Variants in MBTD1 observed in about 807,000 individuals in gnomAD.
MBTD1 encodes mbt domain containing 1, also known as MBT domain-containing protein 1.
In MBTD1, 24 loss-of-function variants were observed where a neutral mutation model predicts 87.8. The ratio of observed to expected loss-of-function variants is 0.27; its 90% CI spans 0.20 to 0.38. The LOEUF (loss-of-function observed/expected upper bound fraction) is 0.38, where lower values mean the gene tolerates loss of function less well. Among genes scored for constraint, MBTD1 ranks in the 10% least tolerant of loss-of-function variants. MBTD1 has a pLI of 1.00. For missense variants in MBTD1, 436 were observed against 760.2 expected (o/e 0.57, Z 5.02); for synonymous variants, 237 against 248.6 (o/e 0.95, Z 0.44).
chr17:51,195,392 A>T, intron 12 of MBTD1, 31 bp from the exon 13 acceptor site: 1 of 1,518,280 alleles, frequency 6.6e-7, no homozygotes, highest in Non-Finnish European at 8.9e-7. Context: ...TAAGTACTTG[A>T]AATTAGATAC....
chr17:51,213,171 TG>T (rs1008676472), intron 6 of MBTD1, among the ~76,000 whole-genome samples: 2 of 152,194 alleles, frequency 1.3e-5, no homozygotes, highest in Non-Finnish European at 2.9e-5. Flanking sequence ...CCTGAGTAGC[TG>T]GGACTACAGG....
chr17:51,192,386 A>G (rs2145079184), intron 15 of MBTD1, 106 bp from the exon 16 acceptor site: 2 of 771,216 alleles, frequency 2.6e-6, no homozygotes, highest in Non-Finnish European at 4.3e-6. Flanking sequence ...AGACCATTAT[A>G]CTTAAGTACA....
intron 12 of MBTD1, among the ~76,000 whole-genome samples, chr17:51,200,206 T>C (rs139020228): frequency 1.3e-4 from 20 of 152,288 alleles, no homozygotes; most frequent in South Asian, 6.2e-4. Flanking sequence ...TTTATGTAAG[T>C]AGACTTTCCT....
intron 2 of MBTD1, among the ~76,000 whole-genome samples, chr17:51,228,202 G>A (rs1282052903): frequency 6.6e-6 from 1 of 152,008 alleles, no homozygotes; most frequent in African/African-American, 2.4e-5. Context: ...GGAAACAGCA[G>A]ACACTGGGGC....
chr17:51,182,930 T>C (rs1473217159), intron 16 of MBTD1, among the ~76,000 whole-genome samples: 3 of 152,078 alleles, frequency 2.0e-5, no homozygotes, highest in Non-Finnish European at 4.4e-5. Flanking sequence ...TAAAGTCAAA[T>C]AGTACAGTCA....
Position 51,179,481 on chromosome 17 carries a change from A to AT in MBTD1, c.*1094dup, listed in dbSNP as rs200712340. 1.0e-4 allele frequency: 5 copies of AT among 49,292 alleles called. No homozygotes were observed. The highest frequency in any genetic ancestry group is 6.4e-4 in the South Asian group (1 of 1,570). 3.1% of individuals were successfully genotyped at this position (49,292 alleles called of 1,614,324 possible). A position where few individuals can be genotyped will look rare whatever the true frequency, so the allele number is the denominator to read the frequency against. The stretch of plus-strand genomic sequence containing the variant: ...TAAATCCTGAATACAATTAAAGACA[A>AT]TTTTATATATATATATATATATATA... On this transcript the variant is annotated 3_prime_UTR_variant, in exon 17 of 17. Coordinates refer to ENST00000586178, the MANE Select transcript of MBTD1 (RefSeq NM_017643.3).
chr17:51,260,816 C>T, upstream of MBTD1: 4 of 1,592,198 alleles, frequency 2.5e-6, no homozygotes, highest in South Asian at 3.4e-5. Flanking sequence ...GCGGAACCGC[C>T]TGAGGCTGGA....
rs1473716606 is a variant in MBTD1, at chr17:51,180,623, G to C, written c.1840C>G (p.Gln614Glu). Residue 614 changes from glutamine (Q) to glutamate (E), a missense_variant, in exon 17 of 17, where the codon CAG (glutamine) becomes GAG (glutamate). Coordinates refer to ENST00000586178, the MANE Select transcript of MBTD1 (RefSeq NM_017643.3). ...AAGTTGGCAGAGCCATTGCTTTCCT[G>C]ATCAGACGCTCCTTGAAGGAAATTA... ...DYNFLQGASD[Q>E]ESNGSANFYI... is the part of the protein sequence containing the mutation. The C allele has an allele frequency of 4.5e-6, 7 of 1,551,672 alleles. 1 individual carries two copies. The highest frequency in any genetic ancestry group is 4.4e-6 in the Non-Finnish European group (5 of 1,146,764).
chr17:51,201,736 T>C (rs759709267), intron 11 of MBTD1, 40 bp from the exon 12 acceptor site: 16 of 1,290,420 alleles, frequency 1.2e-5, no homozygotes, highest in Non-Finnish European at 1.8e-5. Context: ...GTTACAAATG[T>C]TGTTATTTTG....
At chr17:51,218,780 C>A (rs371395142) in intron 5 of MBTD1, 150 bp downstream of exon 5, 3 of 567,146 alleles carry the variant, frequency 5.3e-6, no homozygotes, top group South Asian at 4.8e-5. Context: ...TTATTGAAAT[C>A]AAAACAACTA....
chr17:51,232,886 A>C (rs998887678), intron 2 of MBTD1, among the ~76,000 whole-genome samples: 6 of 151,694 alleles, frequency 4.0e-5, no homozygotes, highest in Non-Finnish European at 5.9e-5. Context: ...AAAAAATAAA[A>C]ATAAAAATAA....
chr17:51,193,543 A>G, intron 13 of MBTD1, 33 bp from the exon 14 acceptor site: 1 of 1,169,574 alleles, frequency 8.6e-7, no homozygotes, highest in South Asian at 1.3e-5. Flanking sequence ...CTAGCAGTTC[A>G]TTTAAAATTA....
chr17:51,260,927 G>A (rs2055446040), upstream of MBTD1: 6 of 1,554,122 alleles, frequency 3.9e-6, no homozygotes, highest in Non-Finnish European at 5.2e-6. Flanking sequence ...AGGCCCGAGG[G>A]TGAGGGAGGC....
In MBTD1 at chr17:51,215,572, C is replaced by T. The variant is rs944480202; in HGVS notation, c.486+1762G>A. Among the ~76,000 whole-genome samples the T allele has an allele frequency of 3.9e-5, 6 of 152,174 alleles. No individual in the cohort carries two copies. In the East Asian group the frequency reaches 7.7e-4, roughly 20 times the overall value. On this transcript the variant is annotated intron_variant, in intron 6 of 16. Coordinates refer to ENST00000586178, the MANE Select transcript of MBTD1 (RefSeq NM_017643.3). Reference sequence around the variant, plus strand: ...ACTGAGAACTTAATCTAATTCTGAGCGTCAAGAAAGCAATATCCCAAGAGA... The same window carrying T: ...ACTGAGAACTTAATCTAATTCTGAGTGTCAAGAAAGCAATATCCCAAGAGA...
intron 2 of MBTD1, among the ~76,000 whole-genome samples, chr17:51,245,811 A>C (rs1598426286): frequency 6.6e-6 from 1 of 152,142 alleles, no homozygotes; most frequent in East Asian, 1.9e-4. Flanking sequence ...AAAATCTTTT[A>C]ATGTTTTTAC....
intron 2 of MBTD1, among the ~76,000 whole-genome samples, chr17:51,255,171 C>T (rs960085890): frequency 6.6e-6 from 1 of 151,938 alleles, no homozygotes; most frequent in East Asian, 1.9e-4. Flanking sequence ...GTCCCAGCCA[C>T]TCGGGAGGCT....
At chr17:51,260,588 C>G, upstream of MBTD1, 6 of 1,611,770 alleles carry the variant, frequency 3.7e-6, no homozygotes, top group Non-Finnish European at 5.1e-6. Flanking sequence ...CCTAACGATG[C>G]CGCCGGAGCG....
At chr17:51,250,101 C>T (rs1207250467) in intron 2 of MBTD1, 1 of 149,042 alleles carries the variant, frequency 6.7e-6, no homozygotes, top group East Asian at 2.0e-4. Context: ...GACTGGGTCT[C>T]ACTATGTTGC....
In MBTD1 at chr17:51,259,928, G is replaced by A. The variant is rs1432384657; in HGVS notation, c.-206C>T. The A allele has an allele frequency of 2.5e-6, 3 of 1,215,312 alleles. No individual in the cohort carries two copies. The highest frequency in any genetic ancestry group is 1.6e-5 in the African/African-American group (1 of 64,092). The allele number at this position is 1,215,312 out of a possible 1,614,324, so 75.3% of individuals were successfully genotyped here. On this transcript the variant is annotated 5_prime_UTR_variant, in exon 1 of 17. Transcript: ENST00000586178. ...CCCCCTCCCCGGGCTGGGGGCAGGT[G>A]CCTCTCCCCGGGACTGCGGCGACTA...
Sources: allele counts gnomAD v4.1 joint callset (sites outside exome capture counted in the v4.1 genomes callset), GRCh38; gene constraint gnomAD v4.1.1; transcripts MANE v1.5; gene names NCBI Gene and HGNC (gene_info 2026-07-23, HGNC 2026-07-21).